The following DNAH7 variants were observed in gnomAD, a reference collection of about 807,000 sequenced individuals.
DNAH7 encodes axonemal beta dynein heavy chain 7.
A neutral mutation model predicts 444.6 loss-of-function variants in DNAH7; 397 were observed. That is an observed-to-expected ratio of 0.89 (90% CI 0.82 to 0.97). The LOEUF (loss-of-function observed/expected upper bound fraction) is 0.97. DNAH7 is among the 50% of genes least tolerant of loss of function. DNAH7 has a pLI of 0.00. For synonymous variants in DNAH7, 1,636 were observed against 1,624.4 expected (o/e 1.01, Z -0.17); for missense variants, 4,902 against 4,800.8 (o/e 1.02, Z -0.62).
chr2:195,883,920 C>G (rs1701565667), intron 35 of DNAH7, among the ~76,000 whole-genome samples: 1 of 152,004 alleles, frequency 6.6e-6, no homozygotes, highest in Admixed American at 6.6e-5. Context: ...AGTCCAATGT[C>G]CAAGGGTAGG....
chr2:195,830,708 T>C (rs933453120), intron 48 of DNAH7, among the ~76,000 whole-genome samples: 3 of 152,204 alleles, frequency 2.0e-5, no homozygotes, highest in African/African-American at 4.8e-5. Context: ...ACCAGATGGA[T>C]GGAAGAGCAA....
intron 57 of DNAH7, among the ~76,000 whole-genome samples, chr2:195,792,750 C>T (rs1275070509): frequency 1.3e-5 from 2 of 151,308 alleles, no homozygotes; most frequent in African/African-American, 2.4e-5. Flanking sequence ...GATAAAGGGC[C>T]ATGATATATC....
At chr2:195,909,964 C>A (rs933252306) in intron 25 of DNAH7, 63 bp downstream of exon 25, 13 of 1,442,870 alleles carry the variant, frequency 9.0e-6, no homozygotes, top group African/African-American at 1.4e-5. Context: ...AATTATGTTG[C>A]ATCATAAATA....
At chr2:196,004,581 C>T (rs1347460567) in intron 10 of DNAH7, among the ~76,000 whole-genome samples, 1 of 152,114 alleles carries the variant, frequency 6.6e-6, no homozygotes, top group Admixed American at 6.6e-5. Context: ...GAAAACACCA[C>T]ATAGCATAAC....
intron 19 of DNAH7, among the ~76,000 whole-genome samples, chr2:195,948,649 A>G (rs780345119): frequency 1.3e-5 from 2 of 152,096 alleles, no homozygotes; most frequent in African/African-American, 2.4e-5. Flanking sequence ...CCATTGGTCT[A>G]TATCTCTGTT....
At chr2:195,893,983 T>C (rs751767301) in intron 30 of DNAH7, 7 of 149,546 alleles carry the variant, frequency 4.7e-5, no homozygotes, top group East Asian at 3.9e-4. Flanking sequence ...ATAAATAAGA[T>C]AAAGAATGCA....
At chr2:195,791,729 A>G (rs1013938255) in intron 57 of DNAH7, among the ~76,000 whole-genome samples, 5 of 152,248 alleles carry the variant, frequency 3.3e-5, no homozygotes, top group African/African-American at 4.8e-5. Context: ...GCCATAAAAA[A>G]GAATGAAGTC....
At chr2:195,998,241 A>G (rs913241329) in intron 12 of DNAH7, among the ~76,000 whole-genome samples, 2 of 152,190 alleles carry the variant, frequency 1.3e-5, no homozygotes, top group Admixed American at 6.5e-5. Flanking sequence ...GCCATATTTT[A>G]TAACTGTAAC....
intron 56 of DNAH7, 79 bp downstream of exon 56, chr2:195,796,497 T>C (rs1696147339): frequency 1.1e-5 from 16 of 1,496,200 alleles, no homozygotes; most frequent in Non-Finnish European, 1.5e-5. Context: ...TAGAGGGGAA[T>C]GGAGCTACCC....
rs775406078 is a variant in DNAH7, at chr2:196,012,801, C to G, written c.975G>C (p.Glu325Asp). The change falls in exon 10 of 65, where the codon GAG (glutamate) becomes GAC (aspartate). Residue 325 changes from glutamate to aspartate, a missense_variant. Physicochemically the swap from Glu to Asp is conservative, Grantham distance 45. Coordinates refer to ENST00000312428, the MANE Select transcript of DNAH7 (RefSeq NM_018897.3). The part of the protein sequence containing the change: ...IIMRHMDSAK[E>D]TLLKMWFPEV... The stretch of plus-strand genomic sequence containing the variant: ...CAAACCTTTACATTTTAAGTAGAGT[C>G]TCTTTGGCAGAGTCCATGTGTCTCA... 28 of 1,598,838 alleles carry G rather than the reference C, an allele frequency of 1.8e-5. No individual in the cohort carries two copies. In the Middle Eastern group the frequency reaches 1.7e-3, roughly 95 times the overall value.
intron 12 of DNAH7, among the ~76,000 whole-genome samples, chr2:195,990,098 T>G (rs1356061264): frequency 6.6e-6 from 1 of 152,202 alleles, no homozygotes; most frequent in Non-Finnish European, 1.5e-5. Context: ...CATTTGTCAA[T>G]TTTTATTTTT....
intron 27 of DNAH7, chr2:195,901,632 G>A (rs1686715058): frequency 6.6e-6 from 1 of 152,088 alleles, no homozygotes; most frequent in South Asian, 2.1e-4. Flanking sequence ...GGCTTCAAGC[G>A]AGGCTCTACA....
chr2:195,931,336 G>C (rs1305646003), intron 21 of DNAH7, among the ~76,000 whole-genome samples: 6 of 152,076 alleles, frequency 3.9e-5, no homozygotes, highest in African/African-American at 1.2e-4. Flanking sequence ...TTTGTCAGAT[G>C]AGTAGGTTGC....
At chr2:195,830,156 T>C (rs1697991945) in intron 48 of DNAH7, among the ~76,000 whole-genome samples, 1 of 152,104 alleles carries the variant, frequency 6.6e-6, no homozygotes, top group Admixed American at 6.5e-5. Context: ...GATTAACAAT[T>C]TGCTGGTTTA....
chr2:196,031,113 G>C (rs1696031017), intron 5 of DNAH7, among the ~76,000 whole-genome samples: 1 of 152,222 alleles, frequency 6.6e-6, no homozygotes, highest in Non-Finnish European at 1.5e-5. Flanking sequence ...TACATCTTCT[G>C]AAATCTAGGT....
intron 58 of DNAH7, among the ~76,000 whole-genome samples, chr2:195,785,068 C>T (rs1050254347): frequency 3.3e-5 from 5 of 152,008 alleles, no homozygotes; most frequent in African/African-American, 4.8e-5. Context: ...TCTGCCATCA[C>T]GCCCGGCTAA....
intron 63 of DNAH7, among the ~76,000 whole-genome samples, chr2:195,751,355 G>C (rs1480313647): frequency 6.6e-6 from 1 of 152,038 alleles, no homozygotes; most frequent in African/African-American, 2.4e-5. Flanking sequence ...GGTTGGGTTC[G>C]AGTCCATACA....
rs747773942 is a variant in DNAH7, at chr2:195,737,887, C to CAGGA, written c.*33_*34insTCCT. ...ATGCTTTCTCTACTCAGCCAGCCAA[C>CAGGA]AAGAAATAGGAACAAGGAAATGATG... On this transcript the variant is annotated 3_prime_UTR_variant, in exon 65 of 65. Coordinates refer to ENST00000312428, the MANE Select transcript of DNAH7 (RefSeq NM_018897.3). 7.1e-6 allele frequency: 11 copies of CAGGA among 1,541,870 alleles called. No individual in the cohort carries two copies. The highest frequency in any genetic ancestry group is 9.8e-6 in the Non-Finnish European group (11 of 1,125,244).
intron 58 of DNAH7, among the ~76,000 whole-genome samples, chr2:195,778,641 TAA>T (rs1272824177): frequency 0.061 from 1,970 of 32,322 alleles, 196 homozygotes; most frequent in Non-Finnish European, 0.066. Context: ...AATAAATAAA[TAA>T]ATATATATAT....
Sources: allele counts gnomAD v4.1 joint callset (sites outside exome capture counted in the v4.1 genomes callset), GRCh38; gene constraint gnomAD v4.1.1; transcripts MANE v1.5; gene names NCBI Gene and HGNC (gene_info 2026-07-23, HGNC 2026-07-21).